The following TSGA10 variants were observed in gnomAD, a reference collection of about 807,000 sequenced individuals.
TSGA10 encodes the protein testis specific 10, also known as testis-specific gene 10 protein.
A neutral mutation model predicts 96.6 loss-of-function variants in TSGA10; 43 were observed. The observed-to-expected ratio is 0.44, with a 90% CI of 0.35 to 0.57. TSGA10 has a LOEUF of 0.57. Among genes scored for constraint, TSGA10 ranks in the 20% least tolerant of loss-of-function variants. The pLI is 0.01. For synonymous variants in TSGA10, 229 were observed against 269.9 expected (o/e 0.85, Z 1.48); for missense variants, 703 against 834.4 (o/e 0.84, Z 1.94).
intron 20 of TSGA10, among the ~76,000 whole-genome samples, chr2:99,011,976 T>C (rs2079046621): frequency 6.6e-6 from 1 of 152,120 alleles, no homozygotes; most frequent in South Asian, 2.1e-4. Flanking sequence ...ACCTATCACA[T>C]TAACACCAGA....
rs35343264 is a variant in TSGA10 at position 99,149,169 on chromosome 2, CA to C, written c.-621+5523del. ...TGGGTGAAAGGGTGAAACTCCATCT[CA>C]AAAAAAAAAAAAAAATGGGTGAGGG... On this transcript the variant is annotated intron_variant, in intron 1 of 20. Transcript: ENST00000393483. Among the ~76,000 whole-genome samples the C allele has an allele frequency of 8.7e-4, 107 of 123,194 alleles. 1 individual carries two copies. Among genetic ancestry groups the C allele is most frequent in the South Asian group, 1.0e-3 (4 of 3,852 alleles). 80.8% of individuals were successfully genotyped at this position (123,194 alleles called of 152,430 possible).
chr2:99,010,499 T>C (rs2078912227), intron 20 of TSGA10, among the ~76,000 whole-genome samples: 1 of 152,084 alleles, frequency 6.6e-6, no homozygotes, highest in Non-Finnish European at 1.5e-5. Flanking sequence ...GGGAGAAAAA[T>C]TTAACCTTAT....
At chr2:99,087,129 G>A (rs796722375) in intron 10 of TSGA10, among the ~76,000 whole-genome samples, 12 of 152,154 alleles carry the variant, frequency 7.9e-5, no homozygotes, top group African/African-American at 2.4e-4. Flanking sequence ...GCGTGAACCC[G>A]GGAGGCAGAG....
intron 16 of TSGA10, among the ~76,000 whole-genome samples, chr2:99,045,303 T>C (rs1235191848): frequency 6.6e-6 from 1 of 151,594 alleles, no homozygotes; most frequent in African/African-American, 2.4e-5. Context: ...AAAATTGAAA[T>C]GAAGGAAAAA....
At chr2:99,089,855 T>C (rs911224837) in intron 10 of TSGA10, among the ~76,000 whole-genome samples, 2 of 152,124 alleles carry the variant, frequency 1.3e-5, no homozygotes, top group Admixed American at 6.5e-5. Context: ...TCATATTCTC[T>C]TGGGAGTTCT....
At chr2:99,076,929 C>A (rs1417750861) in intron 12 of TSGA10, among the ~76,000 whole-genome samples, 1 of 152,042 alleles carries the variant, frequency 6.6e-6, no homozygotes, top group Non-Finnish European at 1.5e-5. Context: ...GTAGTCCAGG[C>A]ACCATCACTT....
At chr2:99,073,508 A>C (rs943669706) in intron 12 of TSGA10, among the ~76,000 whole-genome samples, 2 of 152,108 alleles carry the variant, frequency 1.3e-5, no homozygotes, top group Non-Finnish European at 2.9e-5. Flanking sequence ...TGTATACCTA[A>C]ATTTAGTTTT....
At chr2:99,002,084 T>A (rs1342584183) in intron 20 of TSGA10, among the ~76,000 whole-genome samples, 1 of 152,162 alleles carries the variant, frequency 6.6e-6, no homozygotes, top group Non-Finnish European at 1.5e-5. Flanking sequence ...CCAGGAGAAC[T>A]TCCCCAATCT....
At position 99,078,702 on chromosome 2, in the gene TSGA10, T is replaced by G; in HGVS notation, c.839A>C (p.Lys280Thr). The part of the protein sequence containing the change: ...KECLQACLDK[K>T]SENIASLGES... ...TCCAAGGGATGCAATATTCTCAGAT[T>G]TTTTATCCAAACATGCTTGCAGGCA... The change falls in exon 12 of 21, where the codon AAA (lysine) becomes ACA (threonine). Residue 280 changes from lysine (K) to threonine (T), a missense_variant. Transcript: ENST00000393483. 1 of 1,613,826 alleles carries G rather than the reference T, an allele frequency of 6.2e-7. No individual in the cohort carries two copies. The highest frequency in any genetic ancestry group is 8.5e-7 in the Non-Finnish European group (1 of 1,179,910).
Position 99,024,743 on chromosome 2 carries a change from A to G in TSGA10, c.1615-4261T>C, listed in dbSNP as rs151104854. 8.2e-3 allele frequency among the ~76,000 whole-genome samples: 1,255 copies of G among 152,344 alleles called. 5 individuals are homozygous for G. Among genetic ancestry groups the G allele is most frequent in the South Asian group, 0.018 (88 of 4,830 alleles). ...TTGATACTGATCTTAGGGCAAAATC[A>G]TTCAATCACCACTAAGTACAGTGTT... On this transcript the variant is annotated intron_variant, in intron 17 of 20. Transcript: ENST00000393483.
chr2:99,105,503 C>G (rs763540391), intron 8 of TSGA10, 24 bp downstream of exon 8: 16 of 1,613,678 alleles, frequency 9.9e-6, no homozygotes, highest in Non-Finnish European at 1.4e-5. Flanking sequence ...CACATATATT[C>G]ACGTAAATAA....
At chr2:99,131,318 T>C (rs527630971) in intron 1 of TSGA10, among the ~76,000 whole-genome samples, 140 of 152,332 alleles carry the variant, frequency 9.2e-4, no homozygotes, top group Non-Finnish European at 1.8e-3. Flanking sequence ...GGTTTGTAGT[T>C]CTCCTTGAAG....
At chr2:99,017,522 T>G (rs1294422223) in intron 20 of TSGA10, among the ~76,000 whole-genome samples, 1 of 152,064 alleles carries the variant, frequency 6.6e-6, no homozygotes, top group Non-Finnish European at 1.5e-5. Context: ...TCCCAGCACT[T>G]TGGGAGGCCG....
intron 18 of TSGA10, 51 bp from the exon 19 acceptor site, chr2:99,018,691 A>G: frequency 6.7e-7 from 1 of 1,487,404 alleles, no homozygotes; most frequent in Non-Finnish European, 9.2e-7. Flanking sequence ...AAATATGGCT[A>G]TGATTCTGGG....
intron 12 of TSGA10, 52 bp downstream of exon 12, chr2:99,078,607 A>T: frequency 6.6e-7 from 1 of 1,521,826 alleles, no homozygotes; most frequent in South Asian, 1.2e-5. Flanking sequence ...ATAGTTTAAC[A>T]TTTAACATTT....
intron 16 of TSGA10, among the ~76,000 whole-genome samples, chr2:99,059,142 C>T (rs1192195659): frequency 2.0e-5 from 3 of 148,018 alleles, no homozygotes; most frequent in Non-Finnish European, 3.0e-5. Context: ...GACCTTGCAC[C>T]ACGAGTGCAG....
chr2:99,137,703 T>G (rs913840373), intron 1 of TSGA10, among the ~76,000 whole-genome samples: 2 of 151,986 alleles, frequency 1.3e-5, no homozygotes, highest in Non-Finnish European at 1.5e-5. Flanking sequence ...GTTGCAGTAT[T>G]TTAGGTGGGA....
At chr2:99,042,030 G>GC (rs376583583) in intron 16 of TSGA10, among the ~76,000 whole-genome samples, 11 of 138,728 alleles carry the variant, frequency 7.9e-5, no homozygotes, top group Admixed American at 2.2e-4. Flanking sequence ...ATAGACAATT[G>GC]CCCCCCCACA....
chr2:99,040,067 G>A (rs2082042464), intron 16 of TSGA10, among the ~76,000 whole-genome samples: 1 of 152,004 alleles, frequency 6.6e-6, no homozygotes, highest in African/African-American at 2.4e-5. Flanking sequence ...ACAAACTCCA[G>A]TATTCCTTTA....
Sources: gnomAD v4.1 joint callset for allele counts (sites outside exome capture counted in the v4.1 genomes callset) on GRCh38, gnomAD v4.1.1 for gene constraint, MANE v1.5 for transcripts, NCBI Gene and HGNC (gene_info 2026-07-23, HGNC 2026-07-21) for gene names.